PPP3CB: variants seen among roughly 807,000 people sequenced by gnomAD.
PPP3CB encodes the protein serine/threonine-protein phosphatase 2B catalytic subunit beta isoform.
Under a neutral mutation model 66.4 loss-of-function variants are expected in PPP3CB, and 8 were observed. The ratio of observed to expected loss-of-function variants is 0.12; its 90% CI spans 0.07 to 0.22. The LOEUF (loss-of-function observed/expected upper bound fraction) is 0.22. Among genes scored for constraint, PPP3CB ranks in the 10% least tolerant of loss-of-function variants. The probability of loss-of-function intolerance (pLI) is 1.00; values close to 1 mark genes in which losing one functional copy is unlikely to be tolerated. For synonymous variants in PPP3CB, 208 were observed against 221.2 expected, an observed-to-expected ratio of 0.94 and a Z score of 0.53; for missense variants, 319 against 642.5, an observed-to-expected ratio of 0.50 and a Z score of 5.44.
chr10:73,443,026 T>TA (rs1270386688), intron 12 of PPP3CB, among the ~76,000 whole-genome samples: 1 of 149,762 alleles, frequency 6.7e-6, no homozygotes, highest in Admixed American at 6.7e-5. Context: ...TATAAAAAAA[T>TA]AAAAAATAAA....
chr10:73,487,953 A>G (rs1468979177), intron 1 of PPP3CB, among the ~76,000 whole-genome samples: 6 of 151,656 alleles, frequency 4.0e-5, no homozygotes, highest in African/African-American at 1.5e-4. Flanking sequence ...GCTAATTAGT[A>G]TATTTTTAAT....
intron 10 of PPP3CB, among the ~76,000 whole-genome samples, chr10:73,446,801 A>C (rs1313120456): frequency 6.6e-6 from 1 of 152,198 alleles, no homozygotes; most frequent in Non-Finnish European, 1.5e-5. Context: ...ATAAAAAGTA[A>C]TCCACAAACT....
chr10:73,485,158 T>C (rs555810799), intron 1 of PPP3CB, among the ~76,000 whole-genome samples: 57 of 152,334 alleles, frequency 3.7e-4, no homozygotes, highest in African/African-American at 1.3e-3. Flanking sequence ...GTTGAAAATC[T>C]TCCTTTTATC....
chr10:73,465,665 G>C (rs2056608120), intron 9 of PPP3CB, among the ~76,000 whole-genome samples: 1 of 152,208 alleles, frequency 6.6e-6, no homozygotes, highest in African/African-American at 2.4e-5. Context: ...CTCTGGCTTA[G>C]GTTAGTTCCT....
intron 9 of PPP3CB, among the ~76,000 whole-genome samples, chr10:73,455,248 T>A (rs963932971): frequency 6.6e-6 from 1 of 152,180 alleles, no homozygotes; most frequent in African/African-American, 2.4e-5. Flanking sequence ...CTAATGACTA[T>A]CTAACAATCT....
chr10:73,462,824 C>T (rs372283179), intron 9 of PPP3CB, among the ~76,000 whole-genome samples: 1 of 151,694 alleles, frequency 6.6e-6, no homozygotes, highest in African/African-American at 2.4e-5. Context: ...GTGACATGCA[C>T]CTGTAATCCC....
At chr10:73,459,240 G>A (rs1198651365) in intron 9 of PPP3CB, among the ~76,000 whole-genome samples, 1 of 152,252 alleles carries the variant, frequency 6.6e-6, no homozygotes, top group Non-Finnish European at 1.5e-5. Context: ...TGTAATCCCA[G>A]CACTTTGGGA....
chr10:73,481,690 C>T (rs2056882442), intron 1 of PPP3CB, among the ~76,000 whole-genome samples: 1 of 150,142 alleles, frequency 6.7e-6, no homozygotes, highest in African/African-American at 2.5e-5. Flanking sequence ...AATATAACCA[C>T]ATTCTCATAC....
intron 1 of PPP3CB, among the ~76,000 whole-genome samples, chr10:73,483,613 T>C (rs1746528339): frequency 1.3e-5 from 2 of 152,018 alleles, no homozygotes; most frequent in Non-Finnish European, 1.5e-5. Flanking sequence ...GCCGAGATCA[T>C]GCCAGTGCAT....
intron 1 of PPP3CB, among the ~76,000 whole-genome samples, chr10:73,482,370 C>T (rs1187100031): frequency 6.6e-6 from 1 of 151,590 alleles, no homozygotes; most frequent in African/African-American, 2.4e-5. Flanking sequence ...CGGTGAAACC[C>T]CGTCTCTACT....
At chr10:73,482,402 G>A (rs1273158103) in intron 1 of PPP3CB, among the ~76,000 whole-genome samples, 1 of 151,642 alleles carries the variant, frequency 6.6e-6, no homozygotes, top group Non-Finnish European at 1.5e-5. Flanking sequence ...AATTAGCTGG[G>A]TGTGGTGGTG....
chr10:73,485,908 TTGTGTGTGTGTGTGTGTGTGTGTGTG>T (rs57190155), intron 1 of PPP3CB, among the ~76,000 whole-genome samples: 4 of 121,290 alleles, frequency 3.3e-5, no homozygotes, highest in Non-Finnish European at 5.0e-5. Flanking sequence ...ACCTGGCTAA[TTGTGTGTGTGTGTGTGTGTGTGTGTG>T]TGTGTGTGTG....
At chr10:73,452,512 A>T (rs2056363102) in intron 10 of PPP3CB, among the ~76,000 whole-genome samples, 1 of 152,128 alleles carries the variant, frequency 6.6e-6, no homozygotes, top group Non-Finnish European at 1.5e-5. Context: ...TTTGGCCAAG[A>T]TGGTGAAACC....
At chr10:73,451,571 G>GA (rs780145170) in intron 10 of PPP3CB, among the ~76,000 whole-genome samples, 2 of 149,196 alleles carry the variant, frequency 1.3e-5, no homozygotes, top group Non-Finnish European at 2.9e-5. Context: ...TTTTAAAAAA[G>GA]AAAGAAAGAG....
intron 1 of PPP3CB, among the ~76,000 whole-genome samples, chr10:73,492,710 G>A (rs1250541576): frequency 2.0e-5 from 3 of 152,178 alleles, no homozygotes; most frequent in Non-Finnish European, 4.4e-5. Flanking sequence ...CCAGCAGCTG[G>A]AGTAGGCTCA....
At chr10:73,462,481 G>A (rs573515540) in intron 9 of PPP3CB, among the ~76,000 whole-genome samples, 2 of 152,150 alleles carry the variant, frequency 1.3e-5, no homozygotes, top group East Asian at 1.9e-4. Context: ...TCACAAGTCC[G>A]TAAAAATCTC....
At chr10:73,491,109 C>A (rs1056114060) in intron 1 of PPP3CB, among the ~76,000 whole-genome samples, 1 of 141,718 alleles carries the variant, frequency 7.1e-6, no homozygotes, top group African/African-American at 2.6e-5. Context: ...CGGCTCACTG[C>A]AATCTCCGCC....
At chr10:73,446,847 G>A (rs1181439601) in intron 10 of PPP3CB, among the ~76,000 whole-genome samples, 1 of 152,050 alleles carries the variant, frequency 6.6e-6, no homozygotes, top group Non-Finnish European at 1.5e-5. Flanking sequence ...CAGTAAAACA[G>A]CAATGGGGAA....
At chr10:73,474,599 AT>A (rs879334120) in intron 4 of PPP3CB, among the ~76,000 whole-genome samples, 99 of 141,634 alleles carry the variant, frequency 7.0e-4, no homozygotes, top group Middle Eastern at 3.8e-3. Flanking sequence ...CACCCAGCTA[AT>A]TTTTTTTTTT....
Sources: allele counts gnomAD v4.1 joint callset (sites outside exome capture counted in the v4.1 genomes callset), GRCh38; gene constraint gnomAD v4.1.1; transcripts MANE v1.5; gene names NCBI Gene and HGNC (gene_info 2026-07-23, HGNC 2026-07-21).